The following RPGR variants were observed in gnomAD, a reference collection of about 807,000 sequenced individuals.
The protein encoded by RPGR is retinitis pigmentosa GTPase regulator, also known as X-linked retinitis pigmentosa GTPase regulator.
In RPGR, 10 loss-of-function variants were observed where a neutral mutation model predicts 56.3. The ratio of observed to expected loss-of-function variants is 0.18; its 90% confidence interval spans 0.11 to 0.30. RPGR has a LOEUF of 0.30. Ranked by LOEUF, RPGR falls within the 10% of genes least tolerant of loss-of-function variation. The pLI is 1.00. For synonymous variants in RPGR, 197 were observed against 212.9 expected (o/e 0.93, Z 0.65); for missense variants, 538 against 590.9 (o/e 0.91, Z 0.93).
intron 5 of RPGR, among the ~76,000 whole-genome samples, 154 bp from the exon 6 acceptor site, chrX:38,317,619 C>T (rs1293185640): frequency 8.9e-6 from 1 of 112,340 alleles, no homozygotes; most frequent in Non-Finnish European, 1.9e-5. Context: ...CAGCTAGCTA[C>T]TTAAGAGTTC....
At chrX:38,301,221 TA>T in intron 9 of RPGR, 25 bp downstream of exon 9, 1 of 1,159,467 alleles carries the variant, frequency 8.6e-7, no homozygotes, top group Middle Eastern at 2.4e-4. Context: ...TATGAAAATA[TA>T]AACAGGGAAA....
At chrX:38,286,797 C>G in intron 15 of RPGR, 1 of 1,160,853 alleles carries the variant, frequency 8.6e-7, no homozygotes, top group East Asian at 3.3e-5. Context: ...CTTCTCCATG[C>G]TCCTCCTCCC....
chrX:38,276,823 C>A (rs372957543), intron 15 of RPGR: 1 of 1,029,776 alleles, frequency 9.7e-7, no homozygotes. Flanking sequence ...TGTTAAAAAA[C>A]GAGGGATTTG....
At chrX:38,288,374 A>T (rs2067227072) in intron 13 of RPGR, among the ~76,000 whole-genome samples, 1 of 111,942 alleles carries the variant, frequency 8.9e-6, no homozygotes, top group African/African-American at 3.3e-5. Context: ...CCTTACATAA[A>T]ACTTCGAGAT....
Position 38,269,493 on chromosome X carries a change from T to C in RPGR, c.*133A>G, listed in dbSNP as rs192375655. On this transcript the variant is annotated 3_prime_UTR_variant, in exon 19 of 19. Coordinates refer to ENST00000642395, the MANE Select transcript of RPGR (RefSeq NM_000328.3). The stretch of plus-strand genomic sequence containing the variant: ...TAAATATCAAAACTGGTCACACTTA[T>C]AGAAGCTGAATAAAACATATTAAGT... The C allele has an allele frequency of 2.7e-5, 13 of 473,565 alleles. No homozygotes were observed. Among genetic ancestry groups the C allele is most frequent in the East Asian group, 1.5e-4 (4 of 26,854 alleles). 39.0% of individuals were successfully genotyped at this position (473,565 alleles called of 1,213,427 possible). A position where few individuals can be genotyped will look rare whatever the true frequency, so the allele number is the denominator to read the frequency against.
chrX:38,279,301 A>G lies in RPGR; in HGVS notation c.1906-2529T>C. 4 of 294,660 alleles carry G rather than the reference A, an allele frequency of 1.4e-5. No homozygotes were observed. The East Asian group carries it at 3.1e-4, about 23-fold the overall frequency. 24.3% of individuals were successfully genotyped at this position (294,660 alleles called of 1,213,427 possible). A position where few individuals can be genotyped will look rare whatever the true frequency, so the allele number is the denominator to read the frequency against. Reference sequence around the variant, plus strand: ...AAACAGGTAGTCTGAAATGGTCAGTATATGTCTGTGTCTTGCGTTAGGATC... The same window carrying G: ...AAACAGGTAGTCTGAAATGGTCAGTGTATGTCTGTGTCTTGCGTTAGGATC... On this transcript the variant is annotated intron_variant, in intron 15 of 18. Coordinates refer to ENST00000642395, the MANE Select transcript of RPGR (RefSeq NM_000328.3).
At chrX:38,270,225 C>T (rs944659096) in intron 18 of RPGR, among the ~76,000 whole-genome samples, 7 of 110,700 alleles carry the variant, frequency 6.3e-5, no homozygotes, top group African/African-American at 2.3e-4. Context: ...CTGTGATTCT[C>T]AGTGTATCGC....
At chrX:38,306,917 A>G (rs1487459702) in intron 7 of RPGR, among the ~76,000 whole-genome samples, 3 of 112,837 alleles carry the variant, frequency 2.7e-5, no homozygotes, top group Non-Finnish European at 3.7e-5. Context: ...TTTAACAACC[A>G]ATAGAATTTT....
Position 38,318,714 on chromosome X carries a change from T to C in RPGR, c.469+115A>G, listed in dbSNP as rs3810691. On this transcript the variant is annotated intron_variant, in intron 5 of 18. Coordinates refer to ENST00000642395, the MANE Select transcript of RPGR (RefSeq NM_000328.3). ...ATTTTAAATGTTTTCTGAAAGCACA[T>C]AGATAGTCGATGAAAGAAAACTAAA... The C allele has an allele frequency of 0.21, 163,063 of 774,050 alleles. 12,790 individuals are homozygous for C. Among genetic ancestry groups the C allele is most frequent in the Middle Eastern group, 0.31 (1,063 of 3,424 alleles). 63.8% of individuals were successfully genotyped at this position (774,050 alleles called of 1,213,427 possible).
intron 8 of RPGR, among the ~76,000 whole-genome samples, chrX:38,302,082 G>T (rs2067511393): frequency 9.0e-6 from 1 of 111,253 alleles, no homozygotes; most frequent in Non-Finnish European, 1.9e-5. Flanking sequence ...CCAAAACCTG[G>T]GTCCCCTCTG....
intron 6 of RPGR, among the ~76,000 whole-genome samples, chrX:38,315,838 T>TATAGAGAGAG (rs768025579): frequency 2.4e-4 from 22 of 90,827 alleles, no homozygotes; most frequent in East Asian, 1.6e-3. Context: ...TATATATATA[T>TATAGAGAGAG]AGAGAGAGAG....
At position 38,269,820 on chromosome X, in the gene RPGR, T is replaced by A. The variant is rs1337195026; in HGVS notation, c.2254A>T (p.Lys752Ter). Residue 752 changes from lysine to a stop codon, truncating the protein, a stop_gained, in exon 19 of 19, where the codon AAA becomes TAA. Transcript: ENST00000642395. LOFTEE classifies it low-confidence loss of function (END_TRUNC). ...TTTTGATTTATTGAGGGGACTCTTT[T>A]GAACAGAAAAATCTAGGAAAAAAAC... The A allele has an allele frequency of 1.2e-5, 14 of 1,195,965 alleles. No individual in the cohort carries two copies. The highest frequency in any genetic ancestry group is 1.8e-5 in the African/African-American group (1 of 56,897).
intron 11 of RPGR, among the ~76,000 whole-genome samples, chrX:38,294,397 TAGAG>T (rs1231075822): frequency 9.0e-6 from 1 of 111,343 alleles, no homozygotes; most frequent in Non-Finnish European, 1.9e-5. Context: ...TTATTTTAAA[TAGAG>T]AGAGGGGGTC....
intron 9 of RPGR, among the ~76,000 whole-genome samples, chrX:38,300,663 T>C (rs1325615113): frequency 9.0e-6 from 1 of 111,197 alleles, no homozygotes; most frequent in Non-Finnish European, 1.9e-5. Flanking sequence ...GCCTCCCAAG[T>C]AGTTGGGATT....
intron 8 of RPGR, 120 bp from the exon 9 acceptor site, chrX:38,301,491 G>A: frequency 1.6e-6 from 1 of 632,527 alleles, no homozygotes; most frequent in Non-Finnish European, 2.5e-6. Flanking sequence ...ATTCTGCCTT[G>A]AATTTACTCT....
chrX:38,318,289 C>G (rs1247645348), intron 5 of RPGR, among the ~76,000 whole-genome samples: 1 of 109,637 alleles, frequency 9.1e-6, no homozygotes, highest in South Asian at 3.9e-4. Flanking sequence ...AGAGTAACAC[C>G]GGATGTTACA....
chrX:38,284,292 T>C (rs892657411), intron 15 of RPGR, 116 bp downstream of exon 15: 1 of 179,361 alleles, frequency 5.6e-6, no homozygotes, highest in African/African-American at 3.1e-5. Flanking sequence ...AGCTGCATTA[T>C]GTACACGGAA....
At chrX:38,297,589 T>C (rs2067412766) in intron 10 of RPGR, 137 bp from the exon 11 acceptor site, 1 of 530,420 alleles carries the variant, frequency 1.9e-6, no homozygotes, top group South Asian at 3.1e-5. Context: ...TACTTCTTAA[T>C]AATCCCCAAA....
chrX:38,304,608 A>G (rs1323037088), intron 8 of RPGR, 27 bp downstream of exon 8: 1 of 1,102,719 alleles, frequency 9.1e-7, no homozygotes, highest in Non-Finnish European at 1.3e-6. Context: ...AGTTCTATAA[A>G]TATATAACAG....
Sources: allele counts gnomAD v4.1 joint callset (sites outside exome capture counted in the v4.1 genomes callset), GRCh38; gene constraint gnomAD v4.1.1; transcripts MANE v1.5; gene names NCBI Gene and HGNC (gene_info 2026-07-23, HGNC 2026-07-21).